Variants in PMFBP1 observed in about 807,000 individuals in gnomAD.
PMFBP1 encodes the protein polyamine-modulated factor 1-binding protein 1.
PMFBP1 carries 131 observed loss-of-function variants against 137.8 expected under a neutral mutation model. The observed-to-expected ratio is 0.95, with a 90% confidence interval of 0.82 to 1.10. The LOEUF (loss-of-function observed/expected upper bound fraction) is 1.10, where lower values mean the gene tolerates loss of function less well. Among genes scored for constraint, PMFBP1 ranks in the 50% least tolerant of loss-of-function variants. The pLI is 0.00. For missense variants in PMFBP1, 1,199 were observed against 1,175.4 expected (o/e 1.02, Z -0.29); for synonymous variants, 490 against 450.4 (o/e 1.09, Z -1.11).
chr16:72,135,279 C>T (rs2042607073), intron 9 of PMFBP1, among the ~76,000 whole-genome samples: 1 of 151,980 alleles, frequency 6.6e-6, no homozygotes, highest in Non-Finnish European at 1.5e-5. Flanking sequence ...GGCTTCAAGC[C>T]ATTCTCCTGC....
At chr16:72,220,042 C>T in the PMFBP1 span, among the ~76,000 whole-genome samples, 2 of 152,148 alleles carry the variant, frequency 1.3e-5, no homozygotes, top group Non-Finnish European at 2.9e-5. Context: ...ATACTCCATA[C>T]TATCACAAGA....
At position 72,150,700 on chromosome 16, in the gene PMFBP1, T is replaced by C. The variant is rs1567634571; in HGVS notation, c.544A>G (p.Arg182Gly). ...ASLERSLNLY[R>G]DKYQSSLSNI... ...CTCAGGGAAGACTGGTATTTATCCC[T>C]GTAGAGGTTTAAGCTCCTCTCTAGA... The change falls in exon 5 of 21, where the codon AGG becomes GGG. Residue 182 changes from arginine to glycine, a missense_variant. Transcript: ENST00000237353. 1.9e-6 allele frequency: 3 copies of C among 1,614,066 alleles called. No homozygotes were observed. The highest frequency in any genetic ancestry group is 1.7e-5 in the Admixed American group (1 of 60,006).
chr16:72,220,721 G>T, the PMFBP1 span, among the ~76,000 whole-genome samples: 1 of 152,296 alleles, frequency 6.6e-6, no homozygotes, highest in South Asian at 2.1e-4. Context: ...AGGCCTTGCA[G>T]GATGCAAGGT....
chr16:72,167,580 A>G (rs1177810885), intron 2 of PMFBP1, among the ~76,000 whole-genome samples: 1 of 152,216 alleles, frequency 6.6e-6, no homozygotes, highest in Non-Finnish European at 1.5e-5. Flanking sequence ...GAAGAGTGGT[A>G]GTTTGATTCT....
chr16:72,210,063 T>C, the PMFBP1 span, among the ~76,000 whole-genome samples: 1 of 152,228 alleles, frequency 6.6e-6, no homozygotes, highest in East Asian at 1.9e-4. Flanking sequence ...CATACCCCTG[T>C]CTATTCCTCT....
chr16:72,150,015 C>T (rs112963730), intron 5 of PMFBP1, among the ~76,000 whole-genome samples: 21 of 152,172 alleles, frequency 1.4e-4, no homozygotes, highest in Admixed American at 3.3e-4. Flanking sequence ...ATCTAGAGAG[C>T]CTATAATAAT....
chr16:72,171,319 C>A, intron 1 of PMFBP1, 51 bp from the exon 2 acceptor site: 2 of 1,282,708 alleles, frequency 1.6e-6, no homozygotes, highest in Non-Finnish European at 2.2e-6. Context: ...GAGCCTCTGC[C>A]CTTTAAAGAT....
At chr16:72,240,882 T>G in the PMFBP1 span, among the ~76,000 whole-genome samples, 1 of 151,994 alleles carries the variant, frequency 6.6e-6, no homozygotes, top group South Asian at 2.1e-4. Flanking sequence ...CTTTCCTTAT[T>G]TTGCAATTGT....
chr16:72,226,310 C>A, the PMFBP1 span, among the ~76,000 whole-genome samples: 25 of 152,130 alleles, frequency 1.6e-4, no homozygotes, highest in Non-Finnish European at 3.4e-4. Flanking sequence ...ATTAGCATGG[C>A]CAGTAGCTTT....
the PMFBP1 span, among the ~76,000 whole-genome samples, chr16:72,228,503 T>G: frequency 2.0e-5 from 3 of 152,300 alleles, no homozygotes; most frequent in Non-Finnish European, 4.4e-5. Context: ...CTCCCGTTTC[T>G]AGGATACCTG....
At chr16:72,157,887 T>C (rs536310578) in intron 3 of PMFBP1, among the ~76,000 whole-genome samples, 9 of 152,112 alleles carry the variant, frequency 5.9e-5, no homozygotes, top group African/African-American at 9.7e-5. Context: ...TGACAGGACA[T>C]AGGATTTGCT....
intron 3 of PMFBP1, among the ~76,000 whole-genome samples, chr16:72,160,163 T>C (rs1198708750): frequency 2.0e-5 from 3 of 152,376 alleles, no homozygotes; most frequent in African/African-American, 4.8e-5. Flanking sequence ...GGAAATTAAT[T>C]GGCCTGGCAT....
At chr16:72,217,622 C>T in the PMFBP1 span, among the ~76,000 whole-genome samples, 1 of 152,122 alleles carries the variant, frequency 6.6e-6, no homozygotes, top group Non-Finnish European at 1.5e-5. Context: ...GAAGCCAAGG[C>T]GGGTGGATCA....
chr16:72,233,137 C>T, the PMFBP1 span, among the ~76,000 whole-genome samples: 1 of 152,080 alleles, frequency 6.6e-6, no homozygotes, highest in East Asian at 1.9e-4. Context: ...CCAGTATGCA[C>T]TTGAACCCCC....
At chr16:72,180,685 T>C (rs17604403), upstream of PMFBP1, among the ~76,000 whole-genome samples, 2,256 of 151,848 alleles carry the variant, frequency 0.015, 25 homozygotes, top group Non-Finnish European at 0.025. Flanking sequence ...AAAAAAAAAT[T>C]CTCCAGCCCT....
At chr16:72,151,466 G>A (rs2042902466) in intron 4 of PMFBP1, among the ~76,000 whole-genome samples, 1 of 152,168 alleles carries the variant, frequency 6.6e-6, no homozygotes, top group Non-Finnish European at 1.5e-5. Flanking sequence ...TCACAATCTT[G>A]GGGACATAAG....
the PMFBP1 span, among the ~76,000 whole-genome samples, chr16:72,235,425 G>A: frequency 6.7e-6 from 1 of 150,008 alleles, no homozygotes; most frequent in East Asian, 1.9e-4. Flanking sequence ...CTATAACTTT[G>A]TAGTAGTTTG....
rs2042537936 is a variant in PMFBP1 at position 72,130,728 on chromosome 16, G to A, written c.1448-6C>T. The A allele has an allele frequency of 6.2e-7, 1 of 1,605,946 alleles. No homozygotes were observed. The highest frequency in any genetic ancestry group is 1.3e-5 in the African/African-American group (1 of 74,900). ...GCACTGGGCTGCTTGCTGAGCTGCA[G>A]AAGCAGGGAGATGGCCATGTGAGAA... is the stretch of plus-strand genomic sequence containing the variant. On this transcript the variant is annotated splice_region_variant and splice_polypyrimidine_tract_variant and intron_variant, in intron 10 of 20. Transcript: ENST00000237353.
chr16:72,136,879 A>C (rs948664207), intron 7 of PMFBP1, 60 bp from the exon 8 acceptor site: 1 of 1,604,996 alleles, frequency 6.2e-7, no homozygotes, highest in African/African-American at 1.3e-5. Context: ...AGTGCTTTCT[A>C]AAATGCCCAG....
Sources: gnomAD v4.1 joint callset for allele counts (sites outside exome capture counted in the v4.1 genomes callset) on GRCh38, gnomAD v4.1.1 for gene constraint, MANE v1.5 for transcripts, NCBI Gene and HGNC (gene_info 2026-07-23, HGNC 2026-07-21) for gene names.